Variants in CACNB1 observed in about 807,000 individuals in gnomAD.
CACNB1 encodes the protein voltage-dependent L-type calcium channel subunit beta-1.
Under a neutral mutation model 71.6 loss-of-function variants are expected in CACNB1, and 29 were observed. The ratio of observed to expected loss-of-function variants is 0.40; its 90% confidence interval spans 0.30 to 0.55. The LOEUF (loss-of-function observed/expected upper bound fraction) is 0.55. Among genes scored for constraint, CACNB1 ranks in the 20% least tolerant of loss-of-function variants. CACNB1 has a pLI of 0.38. For synonymous variants in CACNB1, 300 were observed against 319.6 expected (o/e 0.94, Z 0.65); for missense variants, 623 against 801.8 (o/e 0.78, Z 2.69).
intron 1 of CACNB1, 180 bp from the exon 2 acceptor site, chr17:39,195,150 C>T (rs2240083): frequency 0.28 from 159,481 of 561,970 alleles, 23,630 homozygotes; most frequent in South Asian, 0.43. Context: ...CCCATCCTCA[C>T]GGAGAGGGCC....
intron 9 of CACNB1, 54 bp from the exon 10 acceptor site, chr17:39,184,194 G>A (rs2045868927): frequency 7.4e-7 from 1 of 1,354,850 alleles, no homozygotes. Flanking sequence ...GGAATGCCCT[G>A]CCCACTCCCC....
At position 39,186,164 on chromosome 17, in the gene CACNB1, T is replaced by C; in HGVS notation, c.628+332A>G. On this transcript the variant is annotated intron_variant, in intron 6 of 13. Coordinates refer to ENST00000394303, the MANE Select transcript of CACNB1 (RefSeq NM_000723.5). The surrounding 1 kb of genome is among the most constrained non-coding windows in gnomAD (Gnocchi z 4.1). ...GGCGAGGTGGGGAGAAGGAGTGAGA[T>C]GAACGTGGAGACACAAGTACAGAAC... The C allele has an allele frequency of 6.9e-7, 1 of 1,446,570 alleles. No individual in the cohort carries two copies. The highest frequency in any genetic ancestry group is 2.3e-5 in the East Asian group (1 of 44,006). The allele number at this position is 1,446,570 out of a possible 1,614,324, so 89.6% of individuals were successfully genotyped here.
intron 2 of CACNB1, chr17:39,192,312 G>C (rs1467552426): frequency 6.6e-6 from 1 of 152,604 alleles, no homozygotes; most frequent in Non-Finnish European, 1.5e-5. Context: ...GTGCCAGACA[G>C]CTGGCTTTGA....
chr17:39,174,717 G>C lies in CACNB1; in HGVS notation c.*476C>G, dbSNP rs1370548968. On this transcript the variant is annotated 3_prime_UTR_variant, in exon 14 of 14. Coordinates refer to ENST00000394303, the MANE Select transcript of CACNB1 (RefSeq NM_000723.5). ...GAAGCTGGGAGGAAGGGGCAGGCAG[G>C]GTGAGGGACCTTGGATCTGGGGTCT... 6.4e-6 allele frequency: 1 copy of C among 156,790 alleles called. No homozygotes were observed. Among genetic ancestry groups the C allele is most frequent in the African/African-American group, 2.4e-5 (1 of 41,494 alleles). 9.7% of individuals were successfully genotyped at this position (156,790 alleles called of 1,614,324 possible). A position where few individuals can be genotyped will look rare whatever the true frequency, so the allele number is the denominator to read the frequency against.
chr17:39,197,042 C>T (rs1462580346), intron 1 of CACNB1, among the ~76,000 whole-genome samples: 1 of 151,990 alleles, frequency 6.6e-6, no homozygotes, highest in African/African-American at 2.4e-5. Context: ...TCTGCGTCGC[C>T]CCCCTTGCCT....
rs569997684 is a variant in CACNB1 at position 39,194,227 on chromosome 17, AG to A, written c.171+656del. Among the ~76,000 whole-genome samples the A allele has an allele frequency of 2.6e-5, 4 of 152,258 alleles. No homozygotes were observed. The South Asian group carries it at 8.3e-4, about 32-fold the overall frequency. ...CCTCACCCTGAGCCTAAGATGGCCC[AG>A]GGTTGACAGATGAGAGCAGCCGCTT... On this transcript the variant is annotated intron_variant, in intron 2 of 13. Transcript: ENST00000394303. The surrounding 1 kb of genome is among the most constrained non-coding windows in gnomAD (Gnocchi z 4.6).
At chr17:39,182,005 A>T (rs1171359194) in intron 11 of CACNB1, among the ~76,000 whole-genome samples, 1 of 151,996 alleles carries the variant, frequency 6.6e-6, no homozygotes, top group Non-Finnish European at 1.5e-5. Context: ...TACTAAAAAT[A>T]TAAAAATTAG....
chr17:39,194,719 A>G lies in CACNB1; in HGVS notation c.171+165T>C, dbSNP rs951424530. Among the ~76,000 whole-genome samples, 1 of 152,020 alleles carries G rather than the reference A, an allele frequency of 6.6e-6. No homozygotes were observed. Among genetic ancestry groups the G allele is most frequent in the Non-Finnish European group, 1.5e-5 (1 of 67,978 alleles). ...GGCTGAGCGAGTGGGTGCCGCTGAC[A>G]GCACATCCAGAAGAGGTCATGGGGT... is the stretch of plus-strand genomic sequence containing the variant. On this transcript the variant is annotated intron_variant, in intron 2 of 13. Coordinates refer to ENST00000394303, the MANE Select transcript of CACNB1 (RefSeq NM_000723.5). This position sits in a 1 kb window ranked among gnomAD's most constrained non-coding sequence, Gnocchi z 4.6.
intron 3 of CACNB1, among the ~76,000 whole-genome samples, chr17:39,191,160 T>C (rs1056182744): frequency 2.0e-5 from 3 of 152,148 alleles, no homozygotes; most frequent in South Asian, 2.1e-4. Context: ...GCCGAGATCA[T>C]GCCACTGCAC....
At chr17:39,191,168 C>A (rs2046069936) in intron 3 of CACNB1, among the ~76,000 whole-genome samples, 1 of 152,144 alleles carries the variant, frequency 6.6e-6, no homozygotes. Context: ...CATGCCACTG[C>A]ACTCCAGCCT....
chr17:39,183,017 G>A, intron 11 of CACNB1: 1 of 916,046 alleles, frequency 1.1e-6, no homozygotes, highest in Non-Finnish European at 1.3e-6. Flanking sequence ...GCATCTAGAA[G>A]GGAAAGTTAA....
At position 39,182,856 on chromosome 17, in the gene CACNB1, C is replaced by T. The variant is rs1013388871; in HGVS notation, c.1050+857G>A. The T allele has an allele frequency of 1.6e-4, 93 of 569,810 alleles. 1 individual carries two copies. The Middle Eastern group carries it at 6.3e-3, about 39-fold the overall frequency. The allele number at this position is 569,810 out of a possible 1,614,324, so 35.3% of individuals were successfully genotyped here. A position where few individuals can be genotyped will look rare whatever the true frequency, so the allele number is the denominator to read the frequency against. ...ATAGAGAATCAGAGGCTAAATAATT[C>T]CCCCAAGATTCCAAGTTCAATAAAA... On this transcript the variant is annotated intron_variant, in intron 11 of 13. Coordinates refer to ENST00000394303, the MANE Select transcript of CACNB1 (RefSeq NM_000723.5).
At chr17:39,178,110 G>A (rs72556378) in intron 11 of CACNB1, 31 bp from the exon 12 acceptor site, 1 of 1,544,750 alleles carries the variant, frequency 6.5e-7, no homozygotes, top group Non-Finnish European at 9.0e-7. Context: ...AGGAAGAGGA[G>A]CTAGAGGGAC....
At position 39,194,888 on chromosome 17, in the gene CACNB1, C is replaced by A; in HGVS notation, c.167G>T (p.Arg56Leu). Residue 56 changes from arginine to leucine, a missense_variant, in exon 2 of 14, where the codon CGC (arginine) becomes CTC (leucine). By Grantham distance (102) the Arg-to-Leu change is moderately radical. Coordinates refer to ENST00000394303, the MANE Select transcript of CACNB1 (RefSeq NM_000723.5). This position sits in a 1 kb window ranked among gnomAD's most constrained non-coding sequence, Gnocchi z 4.6. ...SSDTTSNSFV[R>L]QGSAESYTSR... ...TCCGCCCAGCCTCCCCATTACCTGG[C>A]GGACAAAGCTGTTGGATGTGGTATC... 3 of 1,607,712 alleles carry A rather than the reference C, an allele frequency of 1.9e-6. No homozygotes were observed. Among genetic ancestry groups the A allele is most frequent in the Non-Finnish European group, 2.6e-6 (3 of 1,175,244 alleles).
At chr17:39,187,204 G>T in intron 4 of CACNB1, 1 of 600,088 alleles carries the variant, frequency 1.7e-6, no homozygotes, top group South Asian at 2.0e-5. Flanking sequence ...CTCTACAAAG[G>T]CCGCTGGAGT....
intron 6 of CACNB1, among the ~76,000 whole-genome samples, chr17:39,185,425 C>T (rs1238168621): frequency 1.3e-5 from 2 of 152,062 alleles, no homozygotes; most frequent in African/African-American, 4.8e-5. Context: ...ACATATCCTA[C>T]CCTCTTCTGG....
In CACNB1 at chr17:39,175,404, C is replaced by T. The variant is rs1170978148; in HGVS notation, c.1586G>A (p.Gly529Glu). Residue 529 changes from glycine to glutamate, a missense_variant, in exon 14 of 14, where the codon GGG (glycine) becomes GAG (glutamate). Physicochemically the swap from Gly to Glu is moderately conservative, Grantham distance 98. Transcript: ENST00000394303. This position sits in a 1 kb window ranked among gnomAD's most constrained non-coding sequence, Gnocchi z 4.7. ...CCCTGCAGGGTCTCCAAGCCCTGGC[C>T]CCTCTGAGGGGTCAGTCTCCATGTC... ...CVDMETDPSE[G>E]PGLGDPAGGG... The T allele has an allele frequency of 6.2e-7, 1 of 1,614,112 alleles. No individual in the cohort carries two copies. The highest frequency in any genetic ancestry group is 1.3e-5 in the African/African-American group (1 of 74,946).
At chr17:39,184,713 A>C (rs1248015045) in intron 8 of CACNB1, 71 bp downstream of exon 8, 2 of 1,110,732 alleles carry the variant, frequency 1.8e-6, no homozygotes, top group Non-Finnish European at 2.8e-6. Flanking sequence ...GGGCCCTTCT[A>C]GGGGATCTCT....
chr17:39,191,165 C>G (rs1237729189), intron 3 of CACNB1, among the ~76,000 whole-genome samples: 2 of 152,148 alleles, frequency 1.3e-5, no homozygotes, highest in Non-Finnish European at 2.9e-5. Context: ...GATCATGCCA[C>G]TGCACTCCAG....
Sources: gnomAD v4.1 joint callset for allele counts (sites outside exome capture counted in the v4.1 genomes callset) on GRCh38, gnomAD v4.1.1 for gene constraint, Gnocchi (gnomAD v3.1) non-coding constraint, MANE v1.5 for transcripts, NCBI Gene and HGNC (gene_info 2026-07-23, HGNC 2026-07-21) for gene names.